The following ASAP1 variants were observed in gnomAD, a reference collection of about 807,000 sequenced individuals.
ASAP1 encodes ArfGAP with SH3 domain, ankyrin repeat and PH domain 1.
Under a neutral mutation model 145.2 loss-of-function variants are expected in ASAP1, and 43 were observed. That is an observed-to-expected ratio of 0.30 (90% CI 0.23 to 0.38). The LOEUF is 0.38. ASAP1 is among the 10% of genes least tolerant of loss of function. The pLI is 1.00. For synonymous variants in ASAP1, 546 were observed against 515.5 expected (o/e 1.06, Z -0.80); for missense variants, 1,018 against 1,355.3 (o/e 0.75, Z 3.91).
At chr8:130,223,466 G>A (rs145750167) in intron 4 of ASAP1, among the ~76,000 whole-genome samples, 1 of 152,290 alleles carries the variant, frequency 6.6e-6, no homozygotes, top group African/African-American at 2.4e-5. Context: ...CAGAGCTGAA[G>A]TTCTGATGCT....
At position 130,370,407 on chromosome 8, in the gene ASAP1, C is replaced by A. The variant is rs188837292; in HGVS notation, c.60-12264G>T. 3.1e-4 allele frequency among the ~76,000 whole-genome samples: 47 copies of A among 152,284 alleles called. No individual in the cohort carries two copies. The East Asian group carries it at 4.4e-3, about 14-fold the overall frequency. On this transcript the variant is annotated intron_variant, in intron 2 of 29. Coordinates refer to ENST00000518721, the MANE Select transcript of ASAP1 (RefSeq NM_018482.4). Reference sequence around the variant, plus strand: ...GTCAGCAGCCTGCAAGGGAAGAGGGCCTCACCAGAATCCAACCATGCTGGT... The same window carrying A: ...GTCAGCAGCCTGCAAGGGAAGAGGGACTCACCAGAATCCAACCATGCTGGT...
At chr8:130,404,093 C>T (rs138745562) in intron 1 of ASAP1, among the ~76,000 whole-genome samples, 1 of 152,320 alleles carries the variant, frequency 6.6e-6, no homozygotes, top group East Asian at 1.9e-4. Context: ...TGCTAATTTT[C>T]TTCAATTGTA....
chr8:130,314,664 TG>T (rs765805093), intron 3 of ASAP1, among the ~76,000 whole-genome samples: 2 of 152,174 alleles, frequency 1.3e-5, no homozygotes, highest in South Asian at 2.1e-4. Flanking sequence ...ACCTGCAAGG[TG>T]GGGACCTGCA....
intron 27 of ASAP1, among the ~76,000 whole-genome samples, chr8:130,075,832 T>G (rs781050355): frequency 6.6e-6 from 1 of 152,230 alleles, no homozygotes; most frequent in Non-Finnish European, 1.5e-5. Context: ...AGCATGGGTA[T>G]CTCTACTCTG....
chr8:130,409,957 G>C (rs1043654123), intron 1 of ASAP1, among the ~76,000 whole-genome samples: 1 of 152,176 alleles, frequency 6.6e-6, no homozygotes, highest in African/African-American at 2.4e-5. Context: ...GGTGGGGCAG[G>C]GACAGGTATA....
chr8:130,107,344 G>A (rs148730329), intron 24 of ASAP1, among the ~76,000 whole-genome samples: 2,381 of 151,596 alleles, frequency 0.016, 38 homozygotes, highest in African/African-American at 0.04. Flanking sequence ...CACCACACCC[G>A]GCTAATTTTT....
At chr8:130,154,533 G>T (rs1424388951) in intron 12 of ASAP1, among the ~76,000 whole-genome samples, 2 of 152,162 alleles carry the variant, frequency 1.3e-5, no homozygotes, top group Non-Finnish European at 2.9e-5. Flanking sequence ...AGTTTTGAAG[G>T]CCTTCTGTTG....
chr8:130,089,331 T>C (rs2097500722), intron 25 of ASAP1, among the ~76,000 whole-genome samples: 1 of 152,146 alleles, frequency 6.6e-6, no homozygotes, highest in East Asian at 1.9e-4. Flanking sequence ...GCAGACATGT[T>C]CAGCTTTGGG....
chr8:130,380,842 T>C (rs1047387802), intron 2 of ASAP1, among the ~76,000 whole-genome samples: 3 of 152,124 alleles, frequency 2.0e-5, no homozygotes, highest in Admixed American at 1.3e-4. Flanking sequence ...CTCAGATTCC[T>C]GAGTAGCTGG....
At chr8:130,194,650 T>G (rs1586567402) in intron 5 of ASAP1, among the ~76,000 whole-genome samples, 1 of 152,102 alleles carries the variant, frequency 6.6e-6, no homozygotes, top group East Asian at 1.9e-4. Flanking sequence ...AGGATGAAAC[T>G]CTTCCACCTC....
At chr8:130,303,433 C>T (rs1822798170) in intron 3 of ASAP1, among the ~76,000 whole-genome samples, 1 of 152,138 alleles carries the variant, frequency 6.6e-6, no homozygotes, top group South Asian at 2.1e-4. Context: ...CATCTTTGCC[C>T]TCTGTCAACT....
chr8:130,141,941 C>T (rs2135867689), intron 13 of ASAP1, among the ~76,000 whole-genome samples: 1 of 152,210 alleles, frequency 6.6e-6, no homozygotes, highest in East Asian at 1.9e-4. Flanking sequence ...TGATCTTAAA[C>T]TCCCGGCCTC....
chr8:130,436,723 G>T (rs1411299467), intron 1 of ASAP1, among the ~76,000 whole-genome samples: 1 of 152,140 alleles, frequency 6.6e-6, no homozygotes, highest in Non-Finnish European at 1.5e-5. Flanking sequence ...GATCACTTGA[G>T]CCCTGGATTA....
At chr8:130,179,885 T>A (rs1418993906) in intron 8 of ASAP1, among the ~76,000 whole-genome samples, 1 of 152,128 alleles carries the variant, frequency 6.6e-6, no homozygotes, top group East Asian at 1.9e-4. Context: ...CTATTGACAC[T>A]GTTTGCTCAC....
chr8:130,288,470 C>T (rs1821754496), intron 3 of ASAP1, among the ~76,000 whole-genome samples: 1 of 152,194 alleles, frequency 6.6e-6, no homozygotes, highest in Non-Finnish European at 1.5e-5. Flanking sequence ...CAGTGTCCTA[C>T]CTGCAGCTGT....
chr8:130,086,329 G>T (rs1265340731), intron 25 of ASAP1, among the ~76,000 whole-genome samples: 1 of 152,228 alleles, frequency 6.6e-6, no homozygotes, highest in Admixed American at 6.5e-5. Flanking sequence ...TTCTCTCTGT[G>T]TAACCATGGT....
chr8:130,253,838 T>C (rs1381271874), intron 3 of ASAP1, among the ~76,000 whole-genome samples: 1 of 152,078 alleles, frequency 6.6e-6, no homozygotes, highest in African/African-American at 2.4e-5. Flanking sequence ...CTGGCCAACA[T>C]GGTGAAACCC....
intron 3 of ASAP1, among the ~76,000 whole-genome samples, chr8:130,349,280 A>G (rs1198323259): frequency 6.6e-6 from 1 of 152,202 alleles, no homozygotes; most frequent in African/African-American, 2.4e-5. Flanking sequence ...GGGTCCCTGA[A>G]GTATACACAT....
rs1565149028 is a variant in ASAP1, at chr8:130,262,448, GA to G, written c.187-25455del. Among the ~76,000 whole-genome samples, 170 of 116,414 alleles carry G rather than the reference GA, an allele frequency of 1.5e-3. 4 individuals are homozygous for G. The highest frequency in any genetic ancestry group is 4.4e-3 in the East Asian group (14 of 3,190). The allele number at this position is 116,414 out of a possible 152,430, so 76.4% of individuals were successfully genotyped here. On this transcript the variant is annotated intron_variant, in intron 3 of 29. Coordinates refer to ENST00000518721, the MANE Select transcript of ASAP1 (RefSeq NM_018482.4). The stretch of plus-strand genomic sequence containing the variant: ...AGAGAGAGAGAGAGAGAGAGAGAGA[GA>G]GAGAGAGAACCTGTGGAATTTCAGA...
Sources: gnomAD v4.1 joint callset for allele counts (sites outside exome capture counted in the v4.1 genomes callset) on GRCh38, gnomAD v4.1.1 for gene constraint, MANE v1.5 for transcripts, NCBI Gene and HGNC (gene_info 2026-07-23, HGNC 2026-07-21) for gene names.